The following ARMH3 variants were observed in gnomAD, a reference collection of about 807,000 sequenced individuals.
ARMH3 encodes the protein armadillo-like helical domain-containing protein 3.
In ARMH3, 60 loss-of-function variants were observed where a neutral mutation model predicts 99.1. The observed-to-expected ratio is 0.61, with a 90% CI of 0.49 to 0.75. The LOEUF (loss-of-function observed/expected upper bound fraction) is 0.75. Among genes scored for constraint, ARMH3 ranks in the 30% least tolerant of loss-of-function variants. The pLI is 0.00. For missense variants in ARMH3, 679 were observed against 843.1 expected (o/e 0.81, Z 2.41); for synonymous variants, 285 against 292.8 (o/e 0.97, Z 0.27).
chr10:102,012,799 C>T (rs1358298380), intron 10 of ARMH3, 34 bp downstream of exon 10: 1 of 1,581,516 alleles, frequency 6.3e-7, no homozygotes, highest in Non-Finnish European at 8.6e-7. Context: ...AAATGAAAAT[C>T]AGACCCCCTT....
chr10:102,010,099 T>C (rs1342415932), intron 11 of ARMH3, 76 bp from the exon 12 acceptor site: 4 of 1,422,052 alleles, frequency 2.8e-6, no homozygotes, highest in Non-Finnish European at 3.0e-6. Flanking sequence ...AAGCCTTTTA[T>C]CAGTGAAGAA....
intron 11 of ARMH3, 129 bp from the exon 12 acceptor site, chr10:102,010,152 A>T (rs1051288157): frequency 4.0e-6 from 3 of 741,588 alleles, no homozygotes; most frequent in Non-Finnish European, 6.8e-6. Context: ...ACTCTAGGCC[A>T]TAAGTCACAC....
chr10:102,032,191 T>C (rs910943975), intron 4 of ARMH3, among the ~76,000 whole-genome samples: 5 of 152,226 alleles, frequency 3.3e-5, no homozygotes, highest in Non-Finnish European at 5.9e-5. Context: ...CACTGCTCTC[T>C]GGGCACAAGG....
intron 1 of ARMH3, among the ~76,000 whole-genome samples, chr10:102,041,090 A>ATAATATATATATATATATAATATATAT (rs1554897209): frequency 7.5e-6 from 1 of 132,642 alleles, no homozygotes; most frequent in African/African-American, 2.7e-5. Flanking sequence ...ATATATATAT[A>ATAATATATATATATATATAATATATAT]ATATATATAT....
chr10:101,967,734 C>T (rs944634967), intron 20 of ARMH3, among the ~76,000 whole-genome samples: 2 of 151,980 alleles, frequency 1.3e-5, no homozygotes, highest in Non-Finnish European at 2.9e-5. Context: ...AAGACTCAGT[C>T]GTGGGGGGAG....
chr10:101,951,034 T>C (rs1215194247), intron 22 of ARMH3, among the ~76,000 whole-genome samples: 3 of 152,154 alleles, frequency 2.0e-5, no homozygotes, highest in African/African-American at 7.2e-5. Flanking sequence ...AGTTAAAAAT[T>C]AAAATTTTCA....
intron 23 of ARMH3, among the ~76,000 whole-genome samples, chr10:101,901,183 C>T (rs188951003): frequency 8.1e-5 from 12 of 148,630 alleles, no homozygotes; most frequent in Non-Finnish European, 8.9e-5. Flanking sequence ...CAAGATTTCC[C>T]AGTGGTCCAG....
chr10:101,857,008 T>A (rs539866942), intron 24 of ARMH3, among the ~76,000 whole-genome samples: 1 of 151,466 alleles, frequency 6.6e-6, no homozygotes, highest in South Asian at 2.1e-4. Flanking sequence ...GCCCACAGAA[T>A]CAAGAAGCAA....
intron 8 of ARMH3, among the ~76,000 whole-genome samples, chr10:102,016,955 A>G (rs1590188551): frequency 6.6e-6 from 1 of 152,214 alleles, no homozygotes; most frequent in East Asian, 1.9e-4. Context: ...GAAGAACTAC[A>G]CATTTACTAC....
At chr10:101,936,218 G>T (rs1392944554) in intron 23 of ARMH3, among the ~76,000 whole-genome samples, 1 of 152,252 alleles carries the variant, frequency 6.6e-6, no homozygotes, top group Non-Finnish European at 1.5e-5. Flanking sequence ...AATTGGCCGG[G>T]TGCGGTGGCT....
chr10:101,940,528 T>C (rs980789946), intron 22 of ARMH3, among the ~76,000 whole-genome samples: 3 of 152,160 alleles, frequency 2.0e-5, no homozygotes, highest in African/African-American at 4.8e-5. Context: ...TGTATACATG[T>C]GCCATGTTGG....
intron 24 of ARMH3, among the ~76,000 whole-genome samples, chr10:101,877,399 C>T (rs540508337): frequency 1.8e-4 from 28 of 152,288 alleles, no homozygotes; most frequent in African/African-American, 6.5e-4. Flanking sequence ...CAGTGGCTAA[C>T]GCCTGTAATC....
At chr10:101,878,195 T>C (rs2067316174) in intron 24 of ARMH3, among the ~76,000 whole-genome samples, 1 of 152,052 alleles carries the variant, frequency 6.6e-6, no homozygotes, top group African/African-American at 2.4e-5. Context: ...GAGGCAGAGG[T>C]TGCAGTGAGC....
At chr10:101,960,354 T>C (rs1221993720) in intron 20 of ARMH3, among the ~76,000 whole-genome samples, 1 of 152,198 alleles carries the variant, frequency 6.6e-6, no homozygotes, top group South Asian at 2.1e-4. Flanking sequence ...TTCAGTGTCC[T>C]ATACACCACT....
chr10:101,937,055 G>A (rs933666104), intron 23 of ARMH3, among the ~76,000 whole-genome samples: 11 of 152,192 alleles, frequency 7.2e-5, no homozygotes, highest in African/African-American at 2.7e-4. Context: ...ACAATAAGTG[G>A]TAGAGACAAA....
chr10:102,039,293 C>A (rs993331341), intron 2 of ARMH3, among the ~76,000 whole-genome samples: 1 of 152,076 alleles, frequency 6.6e-6, no homozygotes, highest in African/African-American at 2.4e-5. Context: ...TACAGGAGCG[C>A]ACCACCATGC....
chr10:101,946,071 C>CAAAAAAAAAAAAAAA lies in ARMH3; in HGVS notation c.1706-6148_1706-6134dup, dbSNP rs569179050. 5.2e-4 allele frequency among the ~76,000 whole-genome samples: 18 copies of CAAAAAAAAAAAAAAA among 34,484 alleles called. 1 individual carries two copies. Among genetic ancestry groups the CAAAAAAAAAAAAAAA allele is most frequent in the African/African-American group, 2.6e-3 (11 of 4,174 alleles). The allele number at this position is 34,484 out of a possible 152,430, so 22.6% of individuals were successfully genotyped here. The stretch of plus-strand genomic sequence containing the variant: ...TGGGCGACAGAGTAAGACTCTGCCT[C>CAAAAAAAAAAAAAAA]AAAAAAAAAAAAAAAAAAAAAAAAA... On this transcript the variant is annotated intron_variant, in intron 22 of 25. Transcript: ENST00000370033.
chr10:102,001,521 TA>T (rs2066360510), intron 15 of ARMH3, among the ~76,000 whole-genome samples: 2 of 152,228 alleles, frequency 1.3e-5, no homozygotes. Context: ...ACTTCTATTT[TA>T]AGTGTTCAAG....
In ARMH3 at chr10:101,873,320, G is replaced by A. The variant is rs527920262; in HGVS notation, c.1860+16092C>T. On this transcript the variant is annotated intron_variant, in intron 24 of 25. Transcript: ENST00000370033. Reference sequence around the variant, plus strand: ...CCAACTGCTCAGGAGGCTGAGGCAGGAGAATCATTTGAACCCAGGAGGCAG... The same window carrying A: ...CCAACTGCTCAGGAGGCTGAGGCAGAAGAATCATTTGAACCCAGGAGGCAG... 2.0e-4 allele frequency among the ~76,000 whole-genome samples: 31 copies of A among 151,932 alleles called. No individual in the cohort carries two copies. The South Asian group carries it at 5.0e-3, about 24-fold the overall frequency.
Sources: allele counts gnomAD v4.1 joint callset (sites outside exome capture counted in the v4.1 genomes callset), GRCh38; gene constraint gnomAD v4.1.1; transcripts MANE v1.5; gene names NCBI Gene and HGNC (gene_info 2026-07-23, HGNC 2026-07-21).